CFDP1: variants seen among roughly 807,000 people sequenced by gnomAD.
The protein encoded by CFDP1 is heterochromatin-stabilizing protein CFDP1.
In CFDP1, 31 loss-of-function variants were observed where a neutral mutation model predicts 40.1. That is an observed-to-expected ratio of 0.77 (90% confidence interval 0.58 to 1.04). The LOEUF (loss-of-function observed/expected upper bound fraction) is 1.04. Ranked by LOEUF, CFDP1 falls within the 50% of genes least tolerant of loss-of-function variation. The probability of loss-of-function intolerance (pLI) is 0.00; values close to 1 mark genes in which losing one functional copy is unlikely to be tolerated. For synonymous variants in CFDP1, 167 were observed against 120.0 expected (o/e 1.39, Z -2.56); for missense variants, 423 against 343.4 (o/e 1.23, Z -1.83).
At chr16:75,301,866 G>A (rs534617828) in intron 6 of CFDP1, 1 of 152,366 alleles carries the variant, frequency 6.6e-6, no homozygotes, top group East Asian at 1.9e-4. Context: ...CAGAGCTCCA[G>A]TCCCTTCACT....
At chr16:75,388,525 AC>A (rs2078919941) in intron 5 of CFDP1, among the ~76,000 whole-genome samples, 1 of 152,212 alleles carries the variant, frequency 6.6e-6, no homozygotes, top group Non-Finnish European at 1.5e-5. Context: ...AAAAGGGCAA[AC>A]CCCATCTACT....
At chr16:75,387,266 C>G (rs4888398) in intron 5 of CFDP1, among the ~76,000 whole-genome samples, 102,968 of 151,582 alleles carry the variant, frequency 0.68, 36,565 homozygotes, top group Non-Finnish European at 0.78. Flanking sequence ...TCAGCCTCCG[C>G]AGTACCTGGG....
At chr16:75,402,164 A>G (rs1284429488) in intron 4 of CFDP1, among the ~76,000 whole-genome samples, 1 of 152,214 alleles carries the variant, frequency 6.6e-6, no homozygotes, top group African/African-American at 2.4e-5. Context: ...TTCAAGTATC[A>G]AAATATCTTC....
At chr16:75,332,992 G>T (rs1333578241) in intron 5 of CFDP1, among the ~76,000 whole-genome samples, 1 of 151,736 alleles carries the variant, frequency 6.6e-6, no homozygotes, top group Non-Finnish European at 1.5e-5. Context: ...ATTTTCAGTA[G>T]AGATGGGGTT....
intron 5 of CFDP1, among the ~76,000 whole-genome samples, chr16:75,384,275 T>C (rs2078874511): frequency 6.6e-6 from 1 of 152,102 alleles, no homozygotes; most frequent in South Asian, 2.1e-4. Context: ...GAGAATTCCT[T>C]GAACCCAGGA....
intron 5 of CFDP1, among the ~76,000 whole-genome samples, chr16:75,311,561 G>C (rs1003408933): frequency 6.6e-6 from 1 of 152,168 alleles, no homozygotes; most frequent in Non-Finnish European, 1.5e-5. Flanking sequence ...AAGTGGACCA[G>C]CAAGGATAGG....
chr16:75,387,229 C>T (rs530364123), intron 5 of CFDP1, among the ~76,000 whole-genome samples: 14 of 151,960 alleles, frequency 9.2e-5, no homozygotes, highest in African/African-American at 2.7e-4. Flanking sequence ...CAAGCTCCGC[C>T]TCCCGGGCTC....
intron 6 of CFDP1, among the ~76,000 whole-genome samples, chr16:75,304,785 G>C (rs1004385544): frequency 6.6e-6 from 1 of 152,156 alleles, no homozygotes; most frequent in African/African-American, 2.4e-5. Flanking sequence ...TGGCAGATGT[G>C]ACTGGCCCCT....
In CFDP1 at chr16:75,411,840, G is replaced by A. The variant is rs781139341; in HGVS notation, c.515C>T (p.Ala172Val). Residue 172 changes from alanine (A) to valine (V), a missense_variant, in exon 4 of 7, where the codon GCT becomes GTT. Coordinates refer to ENST00000283882, the MANE Select transcript of CFDP1 (RefSeq NM_006324.3). ...KVKITKVFDF[A>V]GEEVRVTKEV... is the part of the protein sequence containing the mutation. Reference sequence around the variant, plus strand: ...GTTCTCTTACCTTACTTCTTCACCAGCAAAATCAAACACCTTGGTGATTTT... The same window carrying A: ...GTTCTCTTACCTTACTTCTTCACCAACAAAATCAAACACCTTGGTGATTTT... 4 of 1,608,156 alleles carry A rather than the reference G, an allele frequency of 2.5e-6. No homozygotes were observed. Among genetic ancestry groups the A allele is most frequent in the South Asian group, 1.1e-5 (1 of 89,120 alleles).
intron 5 of CFDP1, among the ~76,000 whole-genome samples, chr16:75,332,797 TCTTTTTTTTTTTTTC>T (rs901062416): frequency 5.3e-5 from 8 of 151,106 alleles, no homozygotes; most frequent in Admixed American, 6.6e-5. Flanking sequence ...CTATTCATGT[TCTTTTTTTTTTTTTC>T]CTTTTTTTTT....
chr16:75,427,224 T>C (rs988279840), intron 1 of CFDP1, among the ~76,000 whole-genome samples: 7 of 151,866 alleles, frequency 4.6e-5, no homozygotes, highest in Admixed American at 4.6e-4. Flanking sequence ...CTTAGGGAAA[T>C]GCAAACTAAA....
chr16:75,365,343 G>C (rs2078706319), intron 5 of CFDP1, among the ~76,000 whole-genome samples: 1 of 152,130 alleles, frequency 6.6e-6, no homozygotes, highest in East Asian at 1.9e-4. Context: ...GAAAACTCTT[G>C]CCTATTTGAA....
intron 5 of CFDP1, among the ~76,000 whole-genome samples, chr16:75,333,431 T>C (rs1054259771): frequency 1.3e-5 from 2 of 152,140 alleles, no homozygotes; most frequent in African/African-American, 2.4e-5. Flanking sequence ...CCTATTCATG[T>C]TCTTAATGAC....
chr16:75,370,153 T>C (rs71394207), intron 5 of CFDP1, among the ~76,000 whole-genome samples: 78,901 of 150,636 alleles, frequency 0.52, 21,575 homozygotes, highest in Admixed American at 0.64. Context: ...AGTGCAATGG[T>C]GTAATCTTGG....
chr16:75,399,788 G>A (rs938099459), intron 4 of CFDP1, among the ~76,000 whole-genome samples: 1 of 152,018 alleles, frequency 6.6e-6, no homozygotes, highest in Non-Finnish European at 1.5e-5. Flanking sequence ...AACATGGCAA[G>A]ACCCTAACTC....
At chr16:75,334,745 A>C (rs565491365) in intron 5 of CFDP1, among the ~76,000 whole-genome samples, 22 of 152,154 alleles carry the variant, frequency 1.4e-4, no homozygotes, top group Non-Finnish European at 2.5e-4. Context: ...ACTGGAGGTG[A>C]GGAGTTCAGG....
At chr16:75,320,555 T>A (rs1158031777) in intron 5 of CFDP1, among the ~76,000 whole-genome samples, 1 of 152,218 alleles carries the variant, frequency 6.6e-6, no homozygotes, top group African/African-American at 2.4e-5. Flanking sequence ...GGCATCACGA[T>A]CTCCCTGCTG....
chr16:75,423,216 G>A (rs2079299429), intron 1 of CFDP1, among the ~76,000 whole-genome samples: 1 of 150,174 alleles, frequency 6.7e-6, no homozygotes, highest in South Asian at 2.1e-4. Flanking sequence ...GGGAGGCAGG[G>A]CTGGCAGTGA....
chr16:75,366,823 A>G (rs1386807690), intron 5 of CFDP1, among the ~76,000 whole-genome samples: 3 of 151,992 alleles, frequency 2.0e-5, no homozygotes, highest in Non-Finnish European at 4.4e-5. Flanking sequence ...TGGGTGATGG[A>G]AGTGTTCTAA....
Sources: allele counts gnomAD v4.1 joint callset (sites outside exome capture counted in the v4.1 genomes callset), GRCh38; gene constraint gnomAD v4.1.1; transcripts MANE v1.5; gene names NCBI Gene and HGNC (gene_info 2026-07-23, HGNC 2026-07-21).